ADARB1: variants seen among roughly 807,000 people sequenced by gnomAD.
ADARB1 encodes adenosine deaminase RNA specific B1, also known as double-stranded RNA-specific editase 1.
Under a neutral mutation model 52.4 loss-of-function variants are expected in ADARB1, and 10 were observed. That is an observed-to-expected ratio of 0.19 (90% CI 0.12 to 0.32). The LOEUF is 0.32. ADARB1 is among the 10% of genes least tolerant of loss of function. The pLI is 1.00. For missense variants in ADARB1, 643 were observed against 922.3 expected, an observed-to-expected ratio of 0.70 and a Z score of 3.92; for synonymous variants, 349 against 371.1, an observed-to-expected ratio of 0.94 and a Z score of 0.68.
intron 1 of ADARB1, among the ~76,000 whole-genome samples, chr21:45,081,051 T>A (rs1315582568): frequency 6.6e-6 from 1 of 151,474 alleles, no homozygotes; most frequent in Non-Finnish European, 1.5e-5. Context: ...TGCGATGAAA[T>A]GTGAAGAAGC....
intron 8 of ADARB1, among the ~76,000 whole-genome samples, chr21:45,186,442 A>G (rs2092110300): frequency 6.6e-6 from 1 of 152,234 alleles, no homozygotes; most frequent in Admixed American, 6.5e-5. Flanking sequence ...TGGGGCATAT[A>G]TTCAGGAGTT....
intron 1 of ADARB1, among the ~76,000 whole-genome samples, chr21:45,109,749 A>T (rs373382911): frequency 1.7e-4 from 26 of 152,332 alleles, no homozygotes; most frequent in African/African-American, 6.0e-4. Flanking sequence ...CAACGTCTTG[A>T]TGCCCCTCTT....
chr21:45,091,070 G>A (rs2086543937), intron 1 of ADARB1, among the ~76,000 whole-genome samples: 1 of 152,230 alleles, frequency 6.6e-6, no homozygotes, highest in African/African-American at 2.4e-5. Flanking sequence ...TGCAGTCATT[G>A]AATAAATATT....
At chr21:45,191,397 T>G (rs1206251020) in intron 8 of ADARB1, among the ~76,000 whole-genome samples, 1 of 152,236 alleles carries the variant, frequency 6.6e-6, no homozygotes, top group East Asian at 1.9e-4. Flanking sequence ...TTCTCCATGA[T>G]GTACAGTTTT....
At chr21:45,156,010 TCACC>T (rs1356862562) in intron 2 of ADARB1, among the ~76,000 whole-genome samples, 4 of 1,768 alleles carry the variant, frequency 2.3e-3, no homozygotes, top group Non-Finnish European at 3.9e-3. Flanking sequence ...CATCATCCAC[TCACC>T]CACCCACCAT....
intron 1 of ADARB1, among the ~76,000 whole-genome samples, chr21:45,125,040 A>G (rs927992435): frequency 7.3e-5 from 11 of 151,134 alleles, no homozygotes; most frequent in African/African-American, 2.7e-4. Context: ...CAAGTGATCC[A>G]CCTGCCTCAG....
At chr21:45,214,992 G>A (rs2146422169) in intron 9 of ADARB1, among the ~76,000 whole-genome samples, 1 of 152,220 alleles carries the variant, frequency 6.6e-6, no homozygotes, top group South Asian at 2.1e-4. Flanking sequence ...TGTCATCTTG[G>A]GGGAACACAT....
At position 45,176,050 on chromosome 21, in the gene ADARB1, G is replaced by A. The variant is rs1227021550; in HGVS notation, c.349G>A (p.Gly117Ser). 1.2e-6 allele frequency: 2 copies of A among 1,614,180 alleles called. No homozygotes were observed. Among genetic ancestry groups the A allele is most frequent in the Admixed American group, 3.3e-5 (2 of 60,010 alleles). ...PLFVMSVEVN[G>S]QVFEGSGPTK... ...GTTTGTCATGTCTGTGGAGGTGAATGGCCAGGTTTTTGAGGGCTCTGGTCC... is the reference window on the plus strand; with the variant it reads ...GTTTGTCATGTCTGTGGAGGTGAATAGCCAGGTTTTTGAGGGCTCTGGTCC... Residue 117 changes from glycine (G) to serine (S), a missense_variant, in exon 4 of 11, where the codon GGC becomes AGC. Physicochemically the swap from Gly to Ser is moderately conservative, Grantham distance 56 (BLOSUM62 0). Around this residue, in one of 2 missense-constraint regions of ADARB1, gnomAD observed 380 missense variants for 446.5 expected, o/e 0.85. Coordinates refer to ENST00000348831, the MANE Select transcript of ADARB1 (RefSeq NM_001112.4). This position sits in a 1 kb window ranked among gnomAD's most constrained non-coding sequence, Gnocchi z 5.8.
intron 2 of ADARB1, among the ~76,000 whole-genome samples, chr21:45,155,286 G>A (rs943608959): frequency 2.0e-5 from 3 of 152,142 alleles, no homozygotes; most frequent in African/African-American, 7.2e-5. Flanking sequence ...ACTTCTGGAG[G>A]AGAAGCCCTG....
intron 8 of ADARB1, among the ~76,000 whole-genome samples, chr21:45,189,206 T>C (rs561515078): frequency 3.3e-4 from 50 of 152,328 alleles, no homozygotes; most frequent in Non-Finnish European, 2.4e-4. Context: ...TTTTATTTTT[T>C]CCTTTTGTCT....
chr21:45,149,008 A>G (rs551661993), intron 2 of ADARB1, among the ~76,000 whole-genome samples: 29 of 152,242 alleles, frequency 1.9e-4, no homozygotes, highest in Middle Eastern at 3.4e-3. Context: ...CTGAGTCTCT[A>G]TGGCTTTCAG....
intron 1 of ADARB1, among the ~76,000 whole-genome samples, chr21:45,104,488 C>T (rs1299254899): frequency 6.6e-6 from 1 of 152,052 alleles, no homozygotes; most frequent in South Asian, 2.1e-4. Flanking sequence ...ATGGACAGGC[C>T]GTGCTGCAGC....
intron 2 of ADARB1, among the ~76,000 whole-genome samples, chr21:45,148,319 C>T (rs1044189588): frequency 1.2e-4 from 18 of 152,188 alleles, no homozygotes; most frequent in African/African-American, 3.6e-4. Context: ...GCTGATTGCC[C>T]GTGGGTGTCA....
Position 45,204,698 on chromosome 21 carries a change from T to C in ADARB1, c.1709T>C (p.Leu570Pro). 1 of 1,613,484 alleles carries C rather than the reference T, an allele frequency of 6.2e-7. No individual in the cohort carries two copies. The highest frequency in any genetic ancestry group is 8.5e-7 in the Non-Finnish European group (1 of 1,179,762). Residue 570 changes from leucine to proline, a missense_variant, in exon 9 of 11, where the codon CTG (leucine) becomes CCG (proline). Leu to Pro is a moderately conservative substitution (Grantham distance 98). Around this residue, in one of 2 missense-constraint regions of ADARB1, gnomAD observed 263 missense variants for 475.8 expected, o/e 0.55. Transcript: ENST00000348831. This position sits in a 1 kb window ranked among gnomAD's most constrained non-coding sequence, Gnocchi z 4.4. ...MYQRISNIED[L>P]PPLYTLNKPL... ...CAGCGGATCTCCAACATAGAGGACC[T>C]GCCACCTCTCTACACCCTCAACAAG...
chr21:45,152,463 G>A (rs879541645), intron 2 of ADARB1: 4 of 231,454 alleles, frequency 1.7e-5, no homozygotes, highest in African/African-American at 9.3e-5. Context: ...GAATGGGCCC[G>A]AGGCAGAGGA....
intron 1 of ADARB1, among the ~76,000 whole-genome samples, chr21:45,075,642 C>T (rs2085900401): frequency 6.6e-6 from 1 of 152,154 alleles, no homozygotes; most frequent in Non-Finnish European, 1.5e-5. Context: ...TGGATGGGTG[C>T]GAGGGAAGGT....
chr21:45,211,884 G>T (rs566768036), intron 9 of ADARB1, among the ~76,000 whole-genome samples: 3 of 152,194 alleles, frequency 2.0e-5, no homozygotes, highest in Non-Finnish European at 4.4e-5. Context: ...TCAGGGACTC[G>T]TAGACGTATG....
chr21:45,153,655 T>C (rs986168479), intron 2 of ADARB1, among the ~76,000 whole-genome samples: 7 of 152,212 alleles, frequency 4.6e-5, no homozygotes, highest in Non-Finnish European at 7.3e-5. Context: ...AATAGTACCT[T>C]GTAATATAAC....
intron 1 of ADARB1, among the ~76,000 whole-genome samples, chr21:45,076,771 T>C (rs546913085): frequency 1.7e-4 from 26 of 152,364 alleles, no homozygotes; most frequent in Non-Finnish European, 3.2e-4. Context: ...TTAACTTCTA[T>C]TTGTCCAGTG....
Sources: gnomAD v4.1 joint callset for allele counts (sites outside exome capture counted in the v4.1 genomes callset) on GRCh38, gnomAD v4.1.1 for gene constraint, gnomAD v4.1.1 regional missense constraint, Gnocchi (gnomAD v3.1) non-coding constraint, MANE v1.5 for transcripts, NCBI Gene and HGNC (gene_info 2026-07-23, HGNC 2026-07-21) for gene names.